Variants in PFKFB2 observed in about 807,000 individuals in gnomAD.
PFKFB2 encodes the protein 6-phosphofructo-2-kinase/fructose-2,6-bisphosphatase 2.
A neutral mutation model predicts 68.0 loss-of-function variants in PFKFB2; 53 were observed. That is an observed-to-expected ratio of 0.78 (90% CI 0.63 to 0.98). The LOEUF (loss-of-function observed/expected upper bound fraction) is 0.98. Among genes scored for constraint, PFKFB2 ranks in the 50% least tolerant of loss-of-function variants. The probability of loss-of-function intolerance (pLI) is 0.00; values close to 1 mark genes in which losing one functional copy is unlikely to be tolerated. For missense variants in PFKFB2, 451 were observed against 642.0 expected (o/e 0.70, Z 3.22); for synonymous variants, 222 against 227.6 (o/e 0.98, Z 0.22).
chr1:207,035,292 G>T, intron 1 of PFKFB2: 1 of 615,540 alleles, frequency 1.6e-6, no homozygotes, highest in Non-Finnish European at 2.0e-6. Flanking sequence ...CCCTCTAAGT[G>T]CACATGCAAG....
chr1:207,068,997 G>T (rs1683388393), intron 10 of PFKFB2, among the ~76,000 whole-genome samples: 1 of 152,136 alleles, frequency 6.6e-6, no homozygotes, highest in South Asian at 2.1e-4. Context: ...CACCCGCCTT[G>T]GCCACCCAAA....
chr1:207,060,136 C>T (rs554782900), intron 2 of PFKFB2, among the ~76,000 whole-genome samples: 13 of 152,300 alleles, frequency 8.5e-5, no homozygotes, highest in South Asian at 4.1e-4. Context: ...CAAGATGGGC[C>T]GGGAGGAGCC....
intron 8 of PFKFB2, 45 bp downstream of exon 8, chr1:207,065,205 C>T: frequency 1.2e-6 from 2 of 1,603,042 alleles, no homozygotes; most frequent in South Asian, 2.2e-5. Flanking sequence ...GCAAAGGTCT[C>T]ATCTGGGAAA....
chr1:207,035,966 G>T lies in PFKFB2; in HGVS notation c.-62+1494G>T, dbSNP rs115940287. 6.6e-3 allele frequency among the ~76,000 whole-genome samples: 1,012 copies of T among 152,258 alleles called. 15 individuals carry two copies. The highest frequency in any genetic ancestry group is 0.023 in the African/African-American group (965 of 41,542). On this transcript the variant is annotated intron_variant, in intron 1 of 5. Transcript: ENST00000545806. ...GGAACATACACTTATCACATAGTAC[G>T]TTAGTCTGTTTGCATTGGTGTAAAG...
At position 207,063,225 on chromosome 1, in the gene PFKFB2, T is replaced by C; in HGVS notation, c.375+16T>C. ...TCAGATTGCGGTAAGCTTTATCTGCTGCTTCTTCTTTCTGGTCCCCACCCT... is the reference window on the plus strand; with the variant it reads ...TCAGATTGCGGTAAGCTTTATCTGCCGCTTCTTCTTTCTGGTCCCCACCCT... On this transcript the variant is annotated intron_variant, in intron 5 of 14. Coordinates refer to ENST00000367080, the MANE Select transcript of PFKFB2 (RefSeq NM_006212.2). The surrounding 1 kb of genome is among the most constrained non-coding windows in gnomAD (Gnocchi z 4.1). 1 of 1,611,292 alleles carries C rather than the reference T, an allele frequency of 6.2e-7. No individual in the cohort carries two copies. Among genetic ancestry groups the C allele is most frequent in the Non-Finnish European group, 8.5e-7 (1 of 1,177,376 alleles).
upstream of PFKFB2, chr1:207,051,221 G>A: frequency 1.8e-6 from 2 of 1,127,878 alleles, no homozygotes; most frequent in Middle Eastern, 3.1e-4. Flanking sequence ...GGTGCCCTCC[G>A]CGTGGGTAGC....
chr1:207,043,350 A>G (rs2842741), intron 2 of PFKFB2, among the ~76,000 whole-genome samples: 10,661 of 152,240 alleles, frequency 0.07, 1,232 homozygotes, highest in African/African-American at 0.24. Flanking sequence ...TTCCACGTCC[A>G]TAATTTTAAA....
chr1:207,068,110 G>C (rs559570990), intron 9 of PFKFB2, 53 bp from the exon 10 acceptor site: 3 of 1,448,518 alleles, frequency 2.1e-6, no homozygotes, highest in Admixed American at 3.6e-5. Flanking sequence ...GTGTGTGTGT[G>C]TGTGTGTCTG....
At chr1:207,043,572 T>A (rs1423609387) in intron 2 of PFKFB2, among the ~76,000 whole-genome samples, 3 of 152,186 alleles carry the variant, frequency 2.0e-5, no homozygotes, top group Non-Finnish European at 4.4e-5. Context: ...ATATTAAGCC[T>A]TTCCACACTG....
chr1:207,077,390 T>C lies in PFKFB2; in HGVS notation c.*5019T>C, dbSNP rs1683658209. ...CAGTAAGCCTTTCACTGGATATCTG[T>C]GACCAATGTTTACCTACGCAATGTT... On this transcript the variant is annotated 3_prime_UTR_variant, in exon 15 of 15. Coordinates refer to ENST00000367080, the MANE Select transcript of PFKFB2 (RefSeq NM_006212.2). 2.0e-6 allele frequency: 2 copies of C among 985,100 alleles called. No homozygotes were observed. Among genetic ancestry groups the C allele is most frequent in the African/African-American group, 3.5e-5 (2 of 57,258 alleles). The allele number at this position is 985,100 out of a possible 1,614,324, so 61.0% of individuals were successfully genotyped here.
chr1:207,069,382 A>T, intron 10 of PFKFB2, 42 bp from the exon 11 acceptor site: 1 of 1,325,068 alleles, frequency 7.5e-7, no homozygotes, highest in Non-Finnish European at 1.1e-6. Context: ...CTGGTGTGGT[A>T]CAGTCTATCT....
At chr1:207,055,142 A>G (rs1682882056) in intron 2 of PFKFB2, among the ~76,000 whole-genome samples, 1 of 152,164 alleles carries the variant, frequency 6.6e-6, no homozygotes, top group Non-Finnish European at 1.5e-5. Flanking sequence ...AGGTGCAGGA[A>G]TTACTTGGAG....
rs759267876 is a variant in PFKFB2 at position 207,054,829 on chromosome 1, GCT to G, written c.85+35_85+36del. The G allele has an allele frequency of 9.0e-6, 13 of 1,448,852 alleles. No homozygotes were observed. In the Admixed American group the frequency reaches 1.7e-4, roughly 19 times the overall value. The allele number at this position is 1,448,852 out of a possible 1,614,324, so 89.7% of individuals were successfully genotyped here. A position where few individuals can be genotyped will look rare whatever the true frequency, so the allele number is the denominator to read the frequency against. On this transcript the variant is annotated intron_variant, in intron 2 of 14. Coordinates refer to ENST00000367080, the MANE Select transcript of PFKFB2 (RefSeq NM_006212.2). The stretch of plus-strand genomic sequence containing the variant: ...TGAGTTCTGGCAGAGAGGAGGGACT[GCT>G]CTCTCTCAGCATTTTATCTTGGGAA...
At chr1:207,052,235 T>C (rs1203585311), upstream of PFKFB2, 7 of 1,611,730 alleles carry the variant, frequency 4.3e-6, no homozygotes, top group East Asian at 2.2e-5. Context: ...AATGTTTCCA[T>C]CTTTTCACAT....
downstream of PFKFB2, chr1:207,079,082 T>C: frequency 2.2e-6 from 3 of 1,386,488 alleles, no homozygotes; most frequent in Non-Finnish European, 3.1e-6. Context: ...GCTTGGGATG[T>C]CAGCTTCACA....
In PFKFB2 at chr1:207,073,166, G is replaced by A. The variant is rs1683519540; in HGVS notation, c.*795G>A. The stretch of plus-strand genomic sequence containing the variant: ...GTTCTAAGTCTTCGATGCCCTGGGA[G>A]AATCTGGCTCTGAGCATGTGGGAAA... On this transcript the variant is annotated 3_prime_UTR_variant, in exon 15 of 15. Transcript: ENST00000367080. The A allele has an allele frequency of 1.0e-6, 1 of 985,436 alleles. No homozygotes were observed. The highest frequency in any genetic ancestry group is 1.7e-5 in the African/African-American group (1 of 57,240). The allele number at this position is 985,436 out of a possible 1,614,324, so 61.0% of individuals were successfully genotyped here.
chr1:207,068,143 T>C lies in PFKFB2; in HGVS notation c.841-20T>C. ...CTGTGTGTTTTCTTTTTACCCTTAA[T>C]TTTCATTTTTAAACCCCAGTTTGCC... On this transcript the variant is annotated intron_variant, in intron 9 of 14. Transcript: ENST00000367080. 6.3e-7 allele frequency: 1 copy of C among 1,596,334 alleles called. No individual in the cohort carries two copies.
chr1:207,044,892 C>G (rs1013864219), intron 2 of PFKFB2: 3 of 152,404 alleles, frequency 2.0e-5, no homozygotes, highest in Non-Finnish European at 2.9e-5. Context: ...AATCAGCACC[C>G]TACAATTCAA....
At position 207,068,172 on chromosome 1, in the gene PFKFB2, G is replaced by A; in HGVS notation, c.850G>A (p.Ala284Thr). The A allele has an allele frequency of 6.2e-7, 1 of 1,608,116 alleles. No individual in the cohort carries two copies. Among genetic ancestry groups the A allele is most frequent in the South Asian group, 1.1e-5 (1 of 90,342 alleles). The change falls in exon 10 of 15, where the codon GCT becomes ACT. Residue 284 changes from alanine to threonine, a missense_variant. Ala to Thr is a moderately conservative substitution (Grantham distance 58, BLOSUM62 0). Transcript: ENST00000367080. ...LSVRGKQFAQ[A>T]LRKFLEEQEI... Reference sequence around the variant, plus strand: ...CATTTTTAAACCCCAGTTTGCCCAAGCTCTAAGGAAATTTCTGGAGGAACA... The same window carrying A: ...CATTTTTAAACCCCAGTTTGCCCAAACTCTAAGGAAATTTCTGGAGGAACA...
Sources: gnomAD v4.1 joint callset for allele counts (sites outside exome capture counted in the v4.1 genomes callset) on GRCh38, gnomAD v4.1.1 for gene constraint, Gnocchi (gnomAD v3.1) non-coding constraint, MANE v1.5 for transcripts, NCBI Gene and HGNC (gene_info 2026-07-23, HGNC 2026-07-21) for gene names.